THSD7B: variants seen among roughly 807,000 people sequenced by gnomAD.
THSD7B encodes the protein thrombospondin type 1 domain containing 7B, also known as thrombospondin type-1 domain-containing protein 7B.
Under a neutral mutation model 213.6 loss-of-function variants are expected in THSD7B, and 138 were observed. That is an observed-to-expected ratio of 0.65 (90% CI 0.56 to 0.74). The LOEUF is 0.74. Ranked by LOEUF, THSD7B falls within the 30% of genes least tolerant of loss-of-function variation. The pLI is 0.00. For synonymous variants in THSD7B, 742 were observed against 687.0 expected (o/e 1.08, Z -1.25); for missense variants, 1,931 against 1,991.5 (o/e 0.97, Z 0.58).
chr2:136,922,396 C>G (rs1296818668), intron 2 of THSD7B, among the ~76,000 whole-genome samples: 2 of 152,152 alleles, frequency 1.3e-5, no homozygotes, highest in Non-Finnish European at 2.9e-5. Context: ...TTCCATTTTT[C>G]TGAAGGTGGT....
chr2:136,878,320 A>T (rs565550305), intron 1 of THSD7B, among the ~76,000 whole-genome samples: 1 of 152,180 alleles, frequency 6.6e-6, no homozygotes, highest in Non-Finnish European at 1.5e-5. Context: ...GCTATCATTG[A>T]TGGACATTTG....
intron 1 of THSD7B, among the ~76,000 whole-genome samples, chr2:136,820,302 A>G (rs1003403954): frequency 1.3e-5 from 2 of 152,208 alleles, no homozygotes; most frequent in African/African-American, 4.8e-5. Context: ...CAAGGGGAAA[A>G]TAATAACTTA....
chr2:137,213,968 C>T (rs539760499), intron 7 of THSD7B, among the ~76,000 whole-genome samples: 1 of 152,112 alleles, frequency 6.6e-6, no homozygotes, highest in South Asian at 2.1e-4. Context: ...AGAGTTCTCA[C>T]GTTCAGAAGC....
At chr2:137,129,693 A>G (rs1182593838) in intron 5 of THSD7B, among the ~76,000 whole-genome samples, 1 of 152,130 alleles carries the variant, frequency 6.6e-6, no homozygotes, top group Non-Finnish European at 1.5e-5. Context: ...CTCCTGCCTC[A>G]ACCTCCCAAA....
chr2:136,878,777 T>G, intron 1 of THSD7B, among the ~76,000 whole-genome samples: 1 of 152,238 alleles, frequency 6.6e-6, no homozygotes, highest in Non-Finnish European at 1.5e-5. Flanking sequence ...GTTTTTTTCT[T>G]GTAAATTTGT....
chr2:137,433,441 C>T (rs529624418), intron 14 of THSD7B, among the ~76,000 whole-genome samples: 62 of 152,066 alleles, frequency 4.1e-4, no homozygotes, highest in African/African-American at 1.5e-3. Flanking sequence ...TCAACAATCT[C>T]CACCTCCTGG....
At chr2:137,394,648 C>G (rs1276516933) in intron 12 of THSD7B, among the ~76,000 whole-genome samples, 1 of 138,176 alleles carries the variant, frequency 7.2e-6, no homozygotes, top group Non-Finnish European at 1.6e-5. Context: ...GATGCGGGCT[C>G]TTTTTTGGTT....
At chr2:137,095,843 G>C (rs1239293279) in intron 4 of THSD7B, among the ~76,000 whole-genome samples, 1 of 152,032 alleles carries the variant, frequency 6.6e-6, no homozygotes, top group African/African-American at 2.4e-5. Flanking sequence ...CTATAGGCAT[G>C]TGCTACAGTG....
intron 15 of THSD7B, among the ~76,000 whole-genome samples, chr2:137,501,303 A>G (rs1488155574): frequency 6.6e-6 from 1 of 152,190 alleles, no homozygotes; most frequent in Non-Finnish European, 1.5e-5. Context: ...CTCTTTTAAT[A>G]GAATATGGTA....
chr2:137,377,676 G>A (rs1453023602), intron 12 of THSD7B, among the ~76,000 whole-genome samples: 1 of 151,728 alleles, frequency 6.6e-6, no homozygotes, highest in African/African-American at 2.4e-5. Context: ...ACCCAGGCTG[G>A]AGTATAGTGG....
intron 27 of THSD7B, among the ~76,000 whole-genome samples, chr2:137,671,252 A>ATTTT (rs1558878848): frequency 1.4e-5 from 2 of 146,906 alleles, no homozygotes; most frequent in African/African-American, 4.9e-5. Context: ...TTTTTTAAAA[A>ATTTT]AAAAAAAAAA....
chr2:137,518,742 G>A lies in THSD7B; in HGVS notation c.3139-44479G>A, dbSNP rs140486311. Among the ~76,000 whole-genome samples the A allele has an allele frequency of 2.9e-4, 44 of 152,242 alleles. No homozygotes were observed. In the East Asian group the frequency reaches 7.0e-3, roughly 24 times the overall value. ...AGTGGCCATTGTGGCAGGGATGGAG[G>A]TTACGCATGGGCTCAGCAACGTGGA... On this transcript the variant is annotated intron_variant, in intron 15 of 27. Coordinates refer to ENST00000409968, the MANE Select transcript of THSD7B (RefSeq NM_001316349.2).
chr2:137,363,935 A>C (rs1685337919), intron 12 of THSD7B, among the ~76,000 whole-genome samples: 1 of 151,894 alleles, frequency 6.6e-6, no homozygotes, highest in Admixed American at 6.6e-5. Flanking sequence ...GAGACACAAC[A>C]AAAAAAAGAG....
chr2:137,415,511 C>T (rs1214377197), intron 14 of THSD7B, among the ~76,000 whole-genome samples: 1 of 152,076 alleles, frequency 6.6e-6, no homozygotes, highest in African/African-American at 2.4e-5. Context: ...TAATGAGTTC[C>T]ATCACTGCCT....
intron 12 of THSD7B, among the ~76,000 whole-genome samples, chr2:137,321,015 A>C (rs2104878948): frequency 6.6e-6 from 1 of 152,352 alleles, no homozygotes; most frequent in South Asian, 2.1e-4. Context: ...TTAAGCCACA[A>C]GTTTCTCATC....
At chr2:137,577,536 A>G (rs909315512) in intron 17 of THSD7B, among the ~76,000 whole-genome samples, 2 of 151,642 alleles carry the variant, frequency 1.3e-5, no homozygotes, top group East Asian at 3.9e-4. Flanking sequence ...CTCTACCTCT[A>G]TTTCATGAAA....
intron 15 of THSD7B, among the ~76,000 whole-genome samples, chr2:137,528,306 C>G (rs1483510501): frequency 2.0e-5 from 3 of 152,092 alleles, no homozygotes; most frequent in African/African-American, 7.2e-5. Context: ...ATTTCCACTT[C>G]TATCATGCAT....
intron 2 of THSD7B, among the ~76,000 whole-genome samples, chr2:137,041,533 A>G (rs1686881406): frequency 6.6e-6 from 1 of 151,048 alleles, no homozygotes. Context: ...TTCATATTAT[A>G]TCACACATAT....
chr2:137,460,423 T>C (rs1397790998), intron 15 of THSD7B, among the ~76,000 whole-genome samples: 1 of 152,126 alleles, frequency 6.6e-6, no homozygotes, highest in Non-Finnish European at 1.5e-5. Context: ...CACATCAGTT[T>C]ACTTGTATTT....
Sources: allele counts gnomAD v4.1 joint callset (sites outside exome capture counted in the v4.1 genomes callset), GRCh38; gene constraint gnomAD v4.1.1; transcripts MANE v1.5; gene names NCBI Gene and HGNC (gene_info 2026-07-23, HGNC 2026-07-21).